Variants in SOCS7 observed in about 807,000 individuals in gnomAD.
The protein encoded by SOCS7 is suppressor of cytokine signaling 7, also known as NAP-4.
In SOCS7, 18 loss-of-function variants were observed where a neutral mutation model predicts 58.9. The ratio of observed to expected loss-of-function variants is 0.31; its 90% CI spans 0.21 to 0.45. The LOEUF (loss-of-function observed/expected upper bound fraction) is 0.45, where lower values mean the gene tolerates loss of function less well. Among genes scored for constraint, SOCS7 ranks in the 20% least tolerant of loss-of-function variants. SOCS7 has a pLI of 1.00. For synonymous variants in SOCS7, 388 were observed against 364.3 expected (o/e 1.06, Z -0.74); for missense variants, 667 against 837.3 (o/e 0.80, Z 2.51).
intron 1 of SOCS7, among the ~76,000 whole-genome samples, chr17:38,361,143 G>A (rs1039447669): frequency 3.3e-5 from 5 of 152,264 alleles, no homozygotes; most frequent in Admixed American, 1.3e-4. Flanking sequence ...CCTAATCTGA[G>A]GAGGCCCACT....
chr17:38,373,942 C>G (rs920906548), intron 6 of SOCS7, among the ~76,000 whole-genome samples: 1 of 152,216 alleles, frequency 6.6e-6, no homozygotes, highest in African/African-American at 2.4e-5. Flanking sequence ...CATAGTTGAC[C>G]GGGTGGAGTG....
At position 38,352,192 on chromosome 17, in the gene SOCS7, C is replaced by T; in HGVS notation, c.140C>T (p.Pro47Leu). 1.5e-6 allele frequency: 2 copies of T among 1,312,836 alleles called. No homozygotes were observed. The highest frequency in any genetic ancestry group is 1.9e-6 in the Non-Finnish European group (2 of 1,039,246). 81.3% of individuals were successfully genotyped at this position (1,312,836 alleles called of 1,614,324 possible). ...CCGCCCCCGGGCCATGGCCCCCCGC[C>T]GCCACCCTTCCTCGCGCGGCCCGGC... ...PPPPPGHGPPPPPFLARPGPR... is the reference protein window; with the variant it reads ...PPPPPGHGPPLPPFLARPGPR... The change falls in exon 1 of 10, where the codon CCG becomes CTG. Residue 47 changes from proline (P) to leucine (L), a missense_variant. Physicochemically the swap from Pro to Leu is moderately conservative, Grantham distance 98. This residue lies in a region of SOCS7 where 65 missense variants were observed against 51.0 expected (regional missense o/e 1.27). Transcript: ENST00000612932. This position sits in a 1 kb window ranked among gnomAD's most constrained non-coding sequence, Gnocchi z 5.5.
intron 7 of SOCS7, among the ~76,000 whole-genome samples, chr17:38,386,274 A>T (rs755251769): frequency 1.4e-5 from 2 of 146,048 alleles, no homozygotes; most frequent in Non-Finnish European, 3.0e-5. Flanking sequence ...CAATGAGCCA[A>T]GATTGTGCCA....
intron 7 of SOCS7, among the ~76,000 whole-genome samples, chr17:38,389,761 A>G (rs1230660443): frequency 7.2e-6 from 1 of 138,178 alleles, no homozygotes; most frequent in Non-Finnish European, 1.5e-5. Context: ...CTTAATGCCT[A>G]TATTTTCTTC....
chr17:38,377,787 C>T lies in SOCS7; in HGVS notation c.1626C>T (p.Ala542=), dbSNP rs147043285. The part of the protein sequence containing the change: ...CQSVVEFIKR[A]IMHSKNGKFL... ...CTGTTGTAGAGTTTATTAAGAGAGC[C>T]ATTATGCACTCCAAGAATGGAAAGT... The change falls in exon 7 of 10, where the codon GCC becomes GCT. Residue 542 remains alanine (A), a synonymous_variant. Transcript: ENST00000612932. 1.5e-4 allele frequency: 249 copies of T among 1,613,594 alleles called. No individual in the cohort carries two copies. The Middle Eastern group carries it at 2.0e-3, about 13-fold the overall frequency.
Position 38,352,990 on chromosome 17 carries a change from C to G in SOCS7, c.938C>G (p.Thr313Arg), listed in dbSNP as rs1391004397. ...GELAASAASL[T>R]DMGGSAGREL... ...CTGGCTGCTTCAGCTGCGAGCCTGA[C>G]AGACATGGGAGGCTCTGCGGGCCGG... Residue 313 changes from threonine to arginine, a missense_variant, in exon 1 of 10, where the codon ACA becomes AGA. Transcript: ENST00000612932. The surrounding 1 kb of genome is among the most constrained non-coding windows in gnomAD (Gnocchi z 5.5). 2 of 1,605,476 alleles carry G rather than the reference C, an allele frequency of 1.2e-6. No homozygotes were observed. The highest frequency in any genetic ancestry group is 3.4e-5 in the Admixed American group (2 of 59,130).
At chr17:38,391,557 AT>A (rs887432969) in intron 7 of SOCS7, among the ~76,000 whole-genome samples, 7 of 151,912 alleles carry the variant, frequency 4.6e-5, no homozygotes, top group African/African-American at 1.7e-4. Context: ...TGCCTGGCTA[AT>A]TTTTTTAATT....
intron 1 of SOCS7, among the ~76,000 whole-genome samples, chr17:38,358,199 A>G (rs1007210878): frequency 2.6e-5 from 4 of 152,212 alleles, no homozygotes; most frequent in African/African-American, 9.6e-5. Context: ...AAAGTGGTCT[A>G]CTGGCAAAGT....
At chr17:38,389,861 G>GTGTGTGTATATATATATATATATA (rs2038128606) in intron 7 of SOCS7, among the ~76,000 whole-genome samples, 1 of 2,374 alleles carries the variant, frequency 4.2e-4, no homozygotes, top group African/African-American at 8.9e-4. Context: ...TGGTGTGTAT[G>GTGTGTGTATATATATATATATATA]TGTGTACATA....
chr17:38,402,037 A>G lies in SOCS7; in HGVS notation c.*2555A>G, dbSNP rs2144418922. ...TACTGGGGTTTCTTCTGGAGAACTC[A>G]TACATTCAGGTACAAAACAAACCAA... On this transcript the variant is annotated 3_prime_UTR_variant, in exon 10 of 10. Transcript: ENST00000612932. 1 of 152,450 alleles carries G rather than the reference A, an allele frequency of 6.6e-6. No individual in the cohort carries two copies. Among genetic ancestry groups the G allele is most frequent in the East Asian group, 1.9e-4 (1 of 5,192 alleles). 9.4% of individuals were successfully genotyped at this position (152,450 alleles called of 1,614,324 possible).
intron 7 of SOCS7, among the ~76,000 whole-genome samples, chr17:38,383,811 T>G (rs2038033519): frequency 6.6e-6 from 1 of 152,198 alleles, no homozygotes; most frequent in Non-Finnish European, 1.5e-5. Flanking sequence ...CCCAAAGTGC[T>G]GGGATTACAG....
Position 38,361,711 on chromosome 17 carries a change from G to A in SOCS7, c.981G>A (p.Arg327=), listed in dbSNP as rs1555567598. 1.9e-6 allele frequency: 3 copies of A among 1,613,128 alleles called. No individual in the cohort carries two copies. The highest frequency in any genetic ancestry group is 1.1e-5 in the South Asian group (1 of 91,070). Residue 327 remains arginine, a splice_region_variant and synonymous_variant, in exon 2 of 10, where the codon AGG becomes AGA. Coordinates refer to ENST00000612932, the MANE Select transcript of SOCS7 (RefSeq NM_014598.4). ...CTCTCTCTGCTTTCTCACTCCCTAG[G>A]AAACCCAAGTTGACAAGAACTCAAA... ...GSAGRELDAG[R]KPKLTRTQSA...
intron 2 of SOCS7, among the ~76,000 whole-genome samples, chr17:38,363,973 A>G (rs2037753601): frequency 6.6e-6 from 1 of 152,234 alleles, no homozygotes; most frequent in Admixed American, 6.5e-5. Context: ...TCAAGTGGAG[A>G]GGGAATAGAC....
intron 1 of SOCS7, among the ~76,000 whole-genome samples, chr17:38,360,625 C>T (rs368158769): frequency 2.0e-5 from 3 of 152,072 alleles, no homozygotes; most frequent in South Asian, 2.1e-4. Flanking sequence ...CTGCAAGCTC[C>T]GCCTCCTGGG....
rs200305110 is a variant in SOCS7, at chr17:38,366,354, C to T, written c.1320C>T (p.Leu440=). The change falls in exon 5 of 10, where the codon CTC becomes CTT. Residue 440 remains leucine (L), a synonymous_variant. Transcript: ENST00000612932. ...TGCACAGCCAACCCCCACAGCACCT[C>T]CAGTGTCCCCTCTACCGGCCTGACT... ...ESLHSQPPQH[L]QCPLYRPDSS... 2.5e-6 allele frequency: 4 copies of T among 1,614,088 alleles called. No individual in the cohort carries two copies. In the African/African-American group the frequency reaches 5.3e-5, roughly 22 times the overall value.
At chr17:38,357,311 A>G (rs1389078988) in intron 1 of SOCS7, among the ~76,000 whole-genome samples, 1 of 152,096 alleles carries the variant, frequency 6.6e-6, no homozygotes, top group Non-Finnish European at 1.5e-5. Flanking sequence ...TTCTGATTTT[A>G]TGTTTGGGTT....
At chr17:38,368,677 T>G (rs535206895) in intron 6 of SOCS7, among the ~76,000 whole-genome samples, 94 of 152,236 alleles carry the variant, frequency 6.2e-4, no homozygotes, top group African/African-American at 2.2e-3. Flanking sequence ...AATTTTTGTA[T>G]TTTTAGTAGA....
chr17:38,378,912 C>G (rs2037965307), intron 7 of SOCS7, among the ~76,000 whole-genome samples: 2 of 152,062 alleles, frequency 1.3e-5, no homozygotes, highest in Non-Finnish European at 2.9e-5. Flanking sequence ...AATCCCAGTA[C>G]TTTGGGAGGC....
At chr17:38,358,245 A>G (rs1555567095) in intron 1 of SOCS7, among the ~76,000 whole-genome samples, 1 of 152,150 alleles carries the variant, frequency 6.6e-6, no homozygotes, top group African/African-American at 2.4e-5. Flanking sequence ...ATGCTTTTTG[A>G]GGTGATCTGG....
Sources: allele counts gnomAD v4.1 joint callset (sites outside exome capture counted in the v4.1 genomes callset), GRCh38; gene constraint gnomAD v4.1.1; regional missense constraint gnomAD v4.1.1; non-coding constraint Gnocchi (gnomAD v3.1); transcripts MANE v1.5; gene names NCBI Gene and HGNC (gene_info 2026-07-23, HGNC 2026-07-21).